RNFT2: variants seen among roughly 807,000 people sequenced by gnomAD.
The protein encoded by RNFT2 is ring finger protein, transmembrane 2, also known as E3 ubiquitin-protein ligase RNFT2.
A neutral mutation model predicts 53.0 loss-of-function variants in RNFT2; 36 were observed. The ratio of observed to expected loss-of-function variants is 0.68; its 90% CI spans 0.52 to 0.90. The LOEUF (loss-of-function observed/expected upper bound fraction) is 0.90, where lower values mean the gene tolerates loss of function less well. Ranked by LOEUF, RNFT2 falls within the 40% of genes least tolerant of loss-of-function variation. The pLI is 0.00. For missense variants in RNFT2, 514 were observed against 585.6 expected, an observed-to-expected ratio of 0.88 and a Z score of 1.26; for synonymous variants, 260 against 253.2, an observed-to-expected ratio of 1.03 and a Z score of -0.26.
At chr12:116,741,458 C>G (rs1205174780) in intron 3 of RNFT2, among the ~76,000 whole-genome samples, 2 of 152,140 alleles carry the variant, frequency 1.3e-5, no homozygotes, top group Non-Finnish European at 2.9e-5. Context: ...GATGAAAGCT[C>G]CAGCATATTC....
At chr12:116,798,426 T>C (rs984199120) in intron 7 of RNFT2, among the ~76,000 whole-genome samples, 1 of 152,168 alleles carries the variant, frequency 6.6e-6, no homozygotes, top group African/African-American at 2.4e-5. Context: ...TGGAGCCAGA[T>C]TGCCTGTGTT....
chr12:116,817,805 C>A (rs1875764030), intron 7 of RNFT2, among the ~76,000 whole-genome samples: 1 of 152,218 alleles, frequency 6.6e-6, no homozygotes, highest in Non-Finnish European at 1.5e-5. Context: ...GCCACCAATT[C>A]TTTGCATTTA....
intron 5 of RNFT2, among the ~76,000 whole-genome samples, chr12:116,761,995 A>T (rs1440695533): frequency 6.8e-6 from 1 of 146,046 alleles, no homozygotes; most frequent in Non-Finnish European, 1.5e-5. Context: ...TGAATCTGGG[A>T]GGCAGAGGTT....
intron 5 of RNFT2, among the ~76,000 whole-genome samples, chr12:116,760,757 G>C (rs1467498670): frequency 6.6e-6 from 1 of 152,138 alleles, no homozygotes; most frequent in East Asian, 1.9e-4. Flanking sequence ...CGGGATTGCT[G>C]GTTTGTCCTT....
chr12:116,810,310 C>T (rs1291722460), intron 7 of RNFT2, among the ~76,000 whole-genome samples: 1 of 152,130 alleles, frequency 6.6e-6, no homozygotes, highest in African/African-American at 2.4e-5. Flanking sequence ...ACCCAGGCAT[C>T]GCAAAGCCAC....
intron 7 of RNFT2, among the ~76,000 whole-genome samples, chr12:116,805,536 G>A (rs1051250686): frequency 2.0e-5 from 3 of 152,052 alleles, no homozygotes; most frequent in African/African-American, 2.4e-5. Flanking sequence ...GTGCAGTGGC[G>A]CAATCTCAGC....
chr12:116,847,653 G>A (rs1420228588), intron 10 of RNFT2, among the ~76,000 whole-genome samples: 3 of 151,468 alleles, frequency 2.0e-5, no homozygotes, highest in African/African-American at 7.3e-5. Flanking sequence ...TCAGCTTCCC[G>A]AGTAGCTGGG....
intron 6 of RNFT2, among the ~76,000 whole-genome samples, chr12:116,772,982 C>A (rs1873268682): frequency 6.6e-6 from 1 of 152,126 alleles, no homozygotes; most frequent in Admixed American, 6.5e-5. Flanking sequence ...ACACATGCCA[C>A]CACATCCAGC....
Position 116,764,316 on chromosome 12 carries a change from G to C in RNFT2, c.628-2498G>C, listed in dbSNP as rs536299053. On this transcript the variant is annotated intron_variant, in intron 5 of 10. Transcript: ENST00000257575. ...AATCACCACAAAAGAACTTATTCAT[G>C]TAATACCACCTGTTCACCAAAAACC... 8.5e-5 allele frequency among the ~76,000 whole-genome samples: 13 copies of C among 152,232 alleles called. No individual in the cohort carries two copies. The South Asian group carries it at 2.7e-3, about 31-fold the overall frequency.
At chr12:116,838,292 G>A (rs746055487) in intron 10 of RNFT2, among the ~76,000 whole-genome samples, 1 of 152,210 alleles carries the variant, frequency 6.6e-6, no homozygotes, top group African/African-American at 2.4e-5. Flanking sequence ...GTTGATTAAA[G>A]GTTAATTCAA....
rs750107156 is a variant in RNFT2 at position 116,750,122 on chromosome 12, G to A, written c.365G>A (p.Arg122His). The A allele has an allele frequency of 4.5e-6, 7 of 1,571,050 alleles. No homozygotes were observed. Among genetic ancestry groups the A allele is most frequent in the Middle Eastern group, 1.7e-4 (1 of 5,986 alleles). ...CACCATTTCCACCATGGCGGCCACC[G>A]CGGGGGCTCCCTGCTGCAGCACGTG... ...PHHHFHHGGH[R>H]GGSLLQHVGG... Residue 122 changes from arginine to histidine, a missense_variant, in exon 4 of 11, where the codon CGC (arginine) becomes CAC (histidine). Physicochemically the swap from Arg to His is conservative, Grantham distance 29. This residue lies in a region of RNFT2 where 237 missense variants were observed against 235.1 expected (regional missense o/e 1.01). Coordinates refer to ENST00000257575, the MANE Select transcript of RNFT2 (RefSeq NM_001382266.1).
chr12:116,742,270 T>C (rs909209919), intron 3 of RNFT2, among the ~76,000 whole-genome samples: 2 of 148,734 alleles, frequency 1.3e-5, no homozygotes, highest in Admixed American at 6.7e-5. Flanking sequence ...GGTTTCTTTT[T>C]TTTTTTTTTT....
intron 7 of RNFT2, among the ~76,000 whole-genome samples, chr12:116,825,492 T>C (rs1218957007): frequency 6.6e-6 from 1 of 152,274 alleles, no homozygotes; most frequent in Non-Finnish European, 1.5e-5. Flanking sequence ...CCTTCTTATG[T>C]ACCTGTGTTT....
At chr12:116,763,955 A>G (rs1221432115) in intron 5 of RNFT2, among the ~76,000 whole-genome samples, 1 of 152,210 alleles carries the variant, frequency 6.6e-6, no homozygotes, top group Non-Finnish European at 1.5e-5. Context: ...ACCATCCCAA[A>G]TGCCCATCAA....
chr12:116,839,417 G>GA (rs1406542421), intron 10 of RNFT2, among the ~76,000 whole-genome samples: 92 of 72,578 alleles, frequency 1.3e-3, no homozygotes, highest in African/African-American at 4.3e-3. Context: ...GATGGGATGG[G>GA]TGGGTGGGTG....
At chr12:116,849,240 C>G (rs1877776773) in intron 10 of RNFT2, 74 bp from the exon 11 acceptor site, 1 of 1,300,100 alleles carries the variant, frequency 7.7e-7, no homozygotes, top group African/African-American at 1.5e-5. Flanking sequence ...GTCCGCTGCC[C>G]CTTCTCCTGC....
At chr12:116,797,731 GACT>G (rs1874572122) in intron 7 of RNFT2, among the ~76,000 whole-genome samples, 1 of 150,020 alleles carries the variant, frequency 6.7e-6, no homozygotes, top group Non-Finnish European at 1.5e-5. Flanking sequence ...ACAGCACCGT[GACT>G]ACTCCTGCAG....
At chr12:116,779,493 T>C (rs1873594619) in intron 7 of RNFT2, 145 bp downstream of exon 7, 1 of 829,512 alleles carries the variant, frequency 1.2e-6, no homozygotes, top group East Asian at 2.7e-5. Flanking sequence ...ATAGCTCCTG[T>C]CACCCACCTC....
intron 7 of RNFT2, among the ~76,000 whole-genome samples, chr12:116,823,573 A>G (rs1242452795): frequency 1.3e-5 from 2 of 152,084 alleles, no homozygotes; most frequent in Non-Finnish European, 2.9e-5. Context: ...AATCCCAGCT[A>G]CTCTGGTGGC....
Sources: allele counts gnomAD v4.1 joint callset (sites outside exome capture counted in the v4.1 genomes callset), GRCh38; gene constraint gnomAD v4.1.1; regional missense constraint gnomAD v4.1.1; transcripts MANE v1.5; gene names NCBI Gene and HGNC (gene_info 2026-07-23, HGNC 2026-07-21).